Variants in SNRPD3 observed in about 807,000 individuals in gnomAD.
SNRPD3 encodes the protein small nuclear ribonucleoprotein Sm D3.
For missense variants in SNRPD3, 73 were observed against 167.5 expected (o/e 0.44, Z 3.11); for synonymous variants, 66 against 58.4 (o/e 1.13, Z -0.59).
chr22:24,560,119 C>CCTTGCTCTGTCACCCAGGCCGCAGT (rs2045119510), intron 2 of SNRPD3, among the ~76,000 whole-genome samples: 1 of 100,228 alleles, frequency 1.0e-5, no homozygotes, highest in Non-Finnish European at 1.9e-5. Context: ...TGAGATGGAG[C>CCTTGCTCTGTCACCCAGGCCGCAGT]CTTGCTCTGT....
rs1569024539 is a variant in SNRPD3, at chr22:24,560,715, C to CCTTTTTT, written c.126+2915_126+2916insCTTTTTT. Among the ~76,000 whole-genome samples, 4 of 98,864 alleles carry CCTTTTTT rather than the reference C, an allele frequency of 4.0e-5. 2 individuals are homozygous for CCTTTTTT. Among genetic ancestry groups the CCTTTTTT allele is most frequent in the Non-Finnish European group, 3.7e-5 (2 of 53,526 alleles). 64.9% of individuals were successfully genotyped at this position (98,864 alleles called of 152,430 possible). A position where few individuals can be genotyped will look rare whatever the true frequency, so the allele number is the denominator to read the frequency against. ...ACAGGCGTGAGCCACTGCACCTGGC[C>CCTTTTTT]TTTTTTTTTTTTTTTTTTTTTTTTT... On this transcript the variant is annotated intron_variant, in intron 2 of 3. Coordinates refer to ENST00000215829, the MANE Select transcript of SNRPD3 (RefSeq NM_004175.5).
In SNRPD3 at chr22:24,572,296, A is replaced by G. The variant is rs2045256890; in HGVS notation, c.*319A>G. On this transcript the variant is annotated 3_prime_UTR_variant, in exon 4 of 4. Transcript: ENST00000215829. ...TAAGCTGCTGTTCCTGGCCAGTTGC[A>G]GGTTAAGCCCCAGAAAAGTTCACCT... 3 of 602,934 alleles carry G rather than the reference A, an allele frequency of 5.0e-6. No individual in the cohort carries two copies. Among genetic ancestry groups the G allele is most frequent in the Middle Eastern group, 4.4e-4 (1 of 2,282 alleles). 37.3% of individuals were successfully genotyped at this position (602,934 alleles called of 1,614,324 possible).
chr22:24,555,868 A>C (rs1569022197), upstream of SNRPD3: 22 of 1,525,132 alleles, frequency 1.4e-5, no homozygotes, highest in Non-Finnish European at 1.9e-5. Flanking sequence ...CTGGTGCCCT[A>C]GTTTCCCAGC....
chr22:24,557,409 C>G (rs1164606273), intron 1 of SNRPD3, among the ~76,000 whole-genome samples: 1 of 152,128 alleles, frequency 6.6e-6, no homozygotes, highest in Non-Finnish European at 1.5e-5. Context: ...GGGAGATGCT[C>G]TCTTTTCATT....
In SNRPD3 at chr22:24,563,284, G is replaced by GTATATATA. The variant is rs1255273060; in HGVS notation, c.127-4699_127-4698insATATATAT. ...TATATATGTATGTATATATATGTGT[G>GTATATATA]TGTGTGTGTATATATATATATATTT... On this transcript the variant is annotated intron_variant, in intron 2 of 3. Transcript: ENST00000215829. 2.9e-4 allele frequency among the ~76,000 whole-genome samples: 36 copies of GTATATATA among 125,880 alleles called. 1 individual carries two copies. Among genetic ancestry groups the GTATATATA allele is most frequent in the African/African-American group, 1.1e-3 (36 of 31,724 alleles). The allele number at this position is 125,880 out of a possible 152,430, so 82.6% of individuals were successfully genotyped here.
chr22:24,555,729 A>C (rs2147112222), upstream of SNRPD3: 4 of 1,550,634 alleles, frequency 2.6e-6, no homozygotes. Context: ...CTTGCCGTCC[A>C]GCCTGTCCTT....
intron 2 of SNRPD3, among the ~76,000 whole-genome samples, chr22:24,567,148 T>A (rs1220140027): frequency 1.3e-5 from 2 of 152,246 alleles, no homozygotes; most frequent in South Asian, 2.1e-4. Context: ...ACCTAGAGGG[T>A]TCTGTCTCAC....
rs781310112 is a variant in SNRPD3 at position 24,557,755 on chromosome 22, A to T, written c.81A>T (p.Val27=). ...IVTCETNTGE[V]YRGKLIEAED... ...CATGTGAGACGAACACCGGTGAGGT[A>T]TATCGGGGGAAGCTCATTGAAGCAG... Residue 27 remains valine, a synonymous_variant, in exon 2 of 4, where the codon GTA becomes GTT. Coordinates refer to ENST00000215829, the MANE Select transcript of SNRPD3 (RefSeq NM_004175.5). 2 of 1,611,260 alleles carry T rather than the reference A, an allele frequency of 1.2e-6. No homozygotes were observed. The highest frequency in any genetic ancestry group is 1.7e-6 in the Non-Finnish European group (2 of 1,178,864).
intron 3 of SNRPD3, among the ~76,000 whole-genome samples, chr22:24,571,575 C>G (rs764907436): frequency 2.0e-5 from 3 of 152,012 alleles, no homozygotes; most frequent in African/African-American, 4.8e-5. Flanking sequence ...CCTGTCTCTA[C>G]TAAAAATACA....
In SNRPD3 at chr22:24,572,364, TCAGA is replaced by T; in HGVS notation, c.*390_*393del. 1.8e-6 allele frequency: 1 copy of T among 549,864 alleles called. No homozygotes were observed. Among genetic ancestry groups the T allele is most frequent in the East Asian group, 3.1e-5 (1 of 31,948 alleles). The allele number at this position is 549,864 out of a possible 1,614,324, so 34.1% of individuals were successfully genotyped here. A position where few individuals can be genotyped will look rare whatever the true frequency, so the allele number is the denominator to read the frequency against. On this transcript the variant is annotated 3_prime_UTR_variant, in exon 4 of 4. Transcript: ENST00000215829. Reference sequence around the variant, plus strand: ...CACACAGATTGTGTCTCATTCATCTTCAGACACAGGCACATAGTGTGGCACTTTG... The same window carrying T: ...CACACAGATTGTGTCTCATTCATCTTCACAGGCACATAGTGTGGCACTTTG...
chr22:24,566,141 C>G (rs2045194741), intron 2 of SNRPD3, among the ~76,000 whole-genome samples: 1 of 152,118 alleles, frequency 6.6e-6, no homozygotes, highest in Non-Finnish European at 1.5e-5. Context: ...AGTGAGGAGC[C>G]TGGAGCAGAA....
At position 24,573,948 on chromosome 22, in the gene SNRPD3, CA is replaced by C. The variant is rs989247742; in HGVS notation, c.*1973del. 1.3e-4 allele frequency among the ~76,000 whole-genome samples: 20 copies of C among 152,184 alleles called. No homozygotes were observed. Among genetic ancestry groups the C allele is most frequent in the Non-Finnish European group, 2.5e-4 (17 of 68,036 alleles). The stretch of plus-strand genomic sequence containing the variant: ...AGGATCTTATTAGAAATGAAGACTG[CA>C]AGCCGCACACCTGGAGTGGGGCCCA... On this transcript the variant is annotated 3_prime_UTR_variant, in exon 4 of 4. Transcript: ENST00000215829.
chr22:24,555,709 G>A (rs184920490), upstream of SNRPD3: 348 of 1,550,648 alleles, frequency 2.2e-4, 1 homozygote, highest in Non-Finnish European at 2.9e-4. Context: ...CCCAAGCCCC[G>A]CGTCTCCGCC....
chr22:24,566,572 CT>C (rs2045198424), intron 2 of SNRPD3, among the ~76,000 whole-genome samples: 1 of 152,150 alleles, frequency 6.6e-6, no homozygotes, highest in South Asian at 2.1e-4. Flanking sequence ...CATAGTTGTT[CT>C]TTTCTGAGTG....
chr22:24,570,653 A>C (rs1041337967), intron 3 of SNRPD3, among the ~76,000 whole-genome samples: 19 of 152,052 alleles, frequency 1.2e-4, no homozygotes, highest in African/African-American at 4.3e-4. Context: ...ACTGCACTCC[A>C]GCCTAGGTGA....
chr22:24,569,561 G>T (rs1240722066), intron 3 of SNRPD3, among the ~76,000 whole-genome samples: 1 of 152,136 alleles, frequency 6.6e-6, no homozygotes, highest in Non-Finnish European at 1.5e-5. Context: ...GACACCAGCT[G>T]GGTGTCCTTC....
At chr22:24,561,069 T>C (rs796351231) in intron 2 of SNRPD3, among the ~76,000 whole-genome samples, 64 of 123,700 alleles carry the variant, frequency 5.2e-4, no homozygotes, top group African/African-American at 1.4e-3. Flanking sequence ...CTTTTCTTTT[T>C]TTTTTTTTTT....
intron 2 of SNRPD3, among the ~76,000 whole-genome samples, chr22:24,558,607 G>A (rs2045102789): frequency 6.6e-6 from 1 of 152,146 alleles, no homozygotes; most frequent in Non-Finnish European, 1.5e-5. Context: ...TATTTATTGG[G>A]GGAAATGACA....
At chr22:24,563,206 A>ATGTGTGTGTGTG (rs1177387267) in intron 2 of SNRPD3, among the ~76,000 whole-genome samples, 43 of 106,254 alleles carry the variant, frequency 4.0e-4, no homozygotes, top group African/African-American at 1.1e-3. Flanking sequence ...TGTCTCATAT[A>ATGTGTGTGTGTG]TGTGTGTGTG....
Sources: gnomAD v4.1 joint callset for allele counts (sites outside exome capture counted in the v4.1 genomes callset) on GRCh38, gnomAD v4.1.1 for gene constraint, MANE v1.5 for transcripts, NCBI Gene and HGNC (gene_info 2026-07-23, HGNC 2026-07-21) for gene names.